The following ADAMTSL1 variants were observed in gnomAD, a reference collection of about 807,000 sequenced individuals.
ADAMTSL1 encodes ADAMTS like 1, also known as ADAMTS-like protein 1.
ADAMTSL1 carries 126 observed loss-of-function variants against 201.8 expected under a neutral mutation model. That is an observed-to-expected ratio of 0.62 (90% CI 0.54 to 0.72). The LOEUF (loss-of-function observed/expected upper bound fraction) is 0.72. Among genes scored for constraint, ADAMTSL1 ranks in the 30% least tolerant of loss-of-function variants. The pLI is 0.00. For synonymous variants in ADAMTSL1, 1,121 were observed against 903.4 expected, an observed-to-expected ratio of 1.24 and a Z score of -4.32; for missense variants, 2,679 against 2,277.8, an observed-to-expected ratio of 1.18 and a Z score of -3.59.
At chr9:18,474,775 C>T (rs1821369789) in intron 1 of ADAMTSL1, among the ~76,000 whole-genome samples, 1 of 152,134 alleles carries the variant, frequency 6.6e-6, no homozygotes, top group African/African-American at 2.4e-5. Context: ...GGAATGAGAG[C>T]CTCTTTGCAG....
chr9:18,158,477 C>A (rs995489934), intron 1 of ADAMTSL1, among the ~76,000 whole-genome samples: 1 of 151,826 alleles, frequency 6.6e-6, no homozygotes, highest in African/African-American at 2.4e-5. Context: ...TGAATCCCAT[C>A]CCCACCTTGA....
intron 16 of ADAMTSL1, among the ~76,000 whole-genome samples, chr9:18,762,121 G>A (rs1820103681): frequency 6.6e-6 from 1 of 152,178 alleles, no homozygotes; most frequent in Non-Finnish European, 1.5e-5. Flanking sequence ...CTCTTTGCCA[G>A]ATACTCTACT....
At chr9:18,619,884 A>G (rs960892192) in intron 4 of ADAMTSL1, among the ~76,000 whole-genome samples, 1 of 152,160 alleles carries the variant, frequency 6.6e-6, no homozygotes, top group African/African-American at 2.4e-5. Flanking sequence ...TTGTCAGATT[A>G]AGTCCTCTTC....
intron 16 of ADAMTSL1, among the ~76,000 whole-genome samples, chr9:18,761,194 G>A (rs929555233): frequency 4.6e-5 from 7 of 152,194 alleles, no homozygotes; most frequent in African/African-American, 1.7e-4. Flanking sequence ...ATCACTTTGT[G>A]TTGGGTTCAA....
rs758750714 is a variant in ADAMTSL1 at position 18,777,526 on chromosome 9, C to T, written c.3297C>T (p.His1099=). 4.4e-6 allele frequency: 7 copies of T among 1,602,200 alleles called. No homozygotes were observed. Among genetic ancestry groups the T allele is most frequent in the Admixed American group, 1.7e-5 (1 of 58,358 alleles). The change falls in exon 19 of 29, where the codon CAC becomes CAT. Residue 1099 remains histidine (H), a synonymous_variant. Transcript: ENST00000380548. ...PEELRDLYSK[H]LVAQLAQEIF... is the part of the protein sequence containing the mutation. ...AGCTGCGCGACCTCTACAGCAAGCACCTGGTGGCCCAGCTGGCCCAGGAGA... is the reference window on the plus strand; with the variant it reads ...AGCTGCGCGACCTCTACAGCAAGCATCTGGTGGCCCAGCTGGCCCAGGAGA...
chr9:18,681,698 G>GTGTGGCGGC (rs66675938), intron 11 of ADAMTSL1, 114 bp from the exon 12 acceptor site: 4 of 323,004 alleles, frequency 1.2e-5, no homozygotes, highest in Admixed American at 6.5e-5. Flanking sequence ...GTCCTCGTGT[G>GTGTGGCGGC]GGGGGGGGGG....
At chr9:18,099,253 G>T (rs542645647) in intron 1 of ADAMTSL1, among the ~76,000 whole-genome samples, 135 of 144,342 alleles carry the variant, frequency 9.4e-4, no homozygotes, top group Non-Finnish European at 1.8e-3. Context: ...TGTTGCTCCT[G>T]AAAAATCTGA....
At chr9:18,305,846 C>T (rs1202467144) in intron 2 of ADAMTSL1, among the ~76,000 whole-genome samples, 1 of 152,020 alleles carries the variant, frequency 6.6e-6, no homozygotes, top group Non-Finnish European at 1.5e-5. Flanking sequence ...CAGCACAGCA[C>T]TCAAGCTCTA....
intron 4 of ADAMTSL1, among the ~76,000 whole-genome samples, chr9:18,587,539 T>C (rs974083554): frequency 6.6e-6 from 1 of 152,188 alleles, no homozygotes; most frequent in Non-Finnish European, 1.5e-5. Context: ...AATAACTTAT[T>C]GTCACTATAA....
At chr9:18,789,409 A>C (rs758745895) in intron 19 of ADAMTSL1, among the ~76,000 whole-genome samples, 1 of 152,222 alleles carries the variant, frequency 6.6e-6, no homozygotes, top group Non-Finnish European at 1.5e-5. Context: ...GCTAAGTGGC[A>C]AAGCGGGGAT....
intron 2 of ADAMTSL1, among the ~76,000 whole-genome samples, chr9:18,269,903 C>T (rs1317635006): frequency 1.3e-5 from 2 of 150,020 alleles, no homozygotes; most frequent in Non-Finnish European, 3.0e-5. Context: ...ATTCTGCTTT[C>T]CCATGGGTGT....
chr9:18,003,973 A>G (rs76796655), intron 1 of ADAMTSL1, among the ~76,000 whole-genome samples: 7,733 of 152,138 alleles, frequency 0.051, 299 homozygotes, highest in East Asian at 0.098. Flanking sequence ...AAGGATTCCA[A>G]TAGTGTTTAA....
intron 4 of ADAMTSL1, among the ~76,000 whole-genome samples, chr9:18,580,217 T>G (rs1307519539): frequency 6.6e-6 from 1 of 152,174 alleles, no homozygotes; most frequent in African/African-American, 2.4e-5. Flanking sequence ...AGTACAGAAA[T>G]AAGCAATAAA....
intron 20 of ADAMTSL1, among the ~76,000 whole-genome samples, chr9:18,808,607 A>G (rs185362982): frequency 0.012 from 1,758 of 152,344 alleles, 17 homozygotes; most frequent in Non-Finnish European, 0.017. Flanking sequence ...TGTAGGAAAA[A>G]TAACTTGGTA....
At chr9:17,993,773 G>T (rs1261149407) in intron 1 of ADAMTSL1, among the ~76,000 whole-genome samples, 3 of 152,016 alleles carry the variant, frequency 2.0e-5, no homozygotes, top group African/African-American at 7.2e-5. Context: ...ATTTTTGTTT[G>T]TTTTCTTTGG....
intron 1 of ADAMTSL1, among the ~76,000 whole-genome samples, chr9:18,502,825 C>G (rs759891125): frequency 4.6e-5 from 7 of 152,062 alleles, no homozygotes; most frequent in Non-Finnish European, 1.0e-4. Flanking sequence ...AGCACGGTGT[C>G]TCAACTAAAC....
At position 18,826,267 on chromosome 9, in the gene ADAMTSL1, T is replaced by C; in HGVS notation, c.3935-17T>C. 6.3e-7 allele frequency: 1 copy of C among 1,593,036 alleles called. No homozygotes were observed. The highest frequency in any genetic ancestry group is 8.6e-7 in the Non-Finnish European group (1 of 1,169,218). ...GACTGATGAGTGGGGTTTTTTGTTT[T>C]TTTTTTTTCTTCCTAGGAGTGCCTG... On this transcript the variant is annotated splice_polypyrimidine_tract_variant and intron_variant, in intron 21 of 28. Transcript: ENST00000380548.
intron 23 of ADAMTSL1, among the ~76,000 whole-genome samples, chr9:18,840,445 G>A (rs1368632078): frequency 3.9e-5 from 6 of 152,022 alleles, no homozygotes; most frequent in African/African-American, 9.7e-5. Context: ...GTAGCCTTCT[G>A]GTATAGTTTG....
At chr9:17,972,646 G>C (rs111399702) in intron 1 of ADAMTSL1, among the ~76,000 whole-genome samples, 24,898 of 151,256 alleles carry the variant, frequency 0.16, 2,521 homozygotes, top group Middle Eastern at 0.26. Context: ...GTCTTTATAG[G>C]AGCATGATTT....
Sources: allele counts gnomAD v4.1 joint callset (sites outside exome capture counted in the v4.1 genomes callset), GRCh38; gene constraint gnomAD v4.1.1; transcripts MANE v1.5; gene names NCBI Gene and HGNC (gene_info 2026-07-23, HGNC 2026-07-21).